The following AZIN2 variants were observed in gnomAD, a reference collection of about 807,000 sequenced individuals.
AZIN2 encodes antizyme inhibitor 2.
In AZIN2, 28 loss-of-function variants were observed where a neutral mutation model predicts 47.8. The ratio of observed to expected loss-of-function variants is 0.59; its 90% CI spans 0.43 to 0.80. The LOEUF (loss-of-function observed/expected upper bound fraction) is 0.80. Ranked by LOEUF, AZIN2 falls within the 30% of genes least tolerant of loss-of-function variation. The probability of loss-of-function intolerance (pLI) is 0.00; values close to 1 mark genes in which losing one functional copy is unlikely to be tolerated. For synonymous variants in AZIN2, 221 were observed against 239.4 expected, an observed-to-expected ratio of 0.92 and a Z score of 0.71; for missense variants, 535 against 582.5, an observed-to-expected ratio of 0.92 and a Z score of 0.84.
the AZIN2 span, among the ~76,000 whole-genome samples, chr1:33,137,963 G>T: frequency 1.3e-5 from 2 of 152,212 alleles, no homozygotes; most frequent in Non-Finnish European, 2.9e-5. Context: ...GGTCCAGGGA[G>T]GTGGCAGGGG....
chr1:33,157,721 T>C, the AZIN2 span, among the ~76,000 whole-genome samples: 8 of 152,066 alleles, frequency 5.3e-5, no homozygotes, highest in Non-Finnish European at 1.0e-4. Context: ...ATCTGGAGAA[T>C]GGGTTTGCTA....
chr1:33,087,835 G>A (rs1042394500), intron 5 of AZIN2, among the ~76,000 whole-genome samples: 1 of 151,824 alleles, frequency 6.6e-6, no homozygotes, highest in Non-Finnish European at 1.5e-5. Context: ...ACACTGCTTC[G>A]ACCCCACCTC....
At chr1:33,109,932 A>G (rs1364171151) in intron 10 of AZIN2, among the ~76,000 whole-genome samples, 1 of 152,122 alleles carries the variant, frequency 6.6e-6, no homozygotes, top group Non-Finnish European at 1.5e-5. Context: ...TTTGTTTTGG[A>G]GTGTATGCTG....
chr1:33,097,208 C>T (rs1363937920), intron 9 of AZIN2, among the ~76,000 whole-genome samples: 1 of 152,038 alleles, frequency 6.6e-6, no homozygotes, highest in Non-Finnish European at 1.5e-5. Context: ...TGCATTTGAC[C>T]CCATGTCTGT....
At chr1:33,124,227 T>C (rs113770349), downstream of AZIN2, among the ~76,000 whole-genome samples, 990 of 152,132 alleles carry the variant, frequency 6.5e-3, 16 homozygotes, top group African/African-American at 0.023. This position sits in a 1 kb window ranked among gnomAD's most constrained non-coding sequence, Gnocchi z 4.6. Flanking sequence ...GTCCAGGACT[T>C]AGCACTCCTC....
intron 10 of AZIN2, chr1:33,101,921 A>G: frequency 1.3e-6 from 1 of 776,204 alleles, no homozygotes; most frequent in East Asian, 2.4e-5. Context: ...GCTGCAGTTT[A>G]TTTGTCCATT....
chr1:33,082,925 G>T (rs1641452979), intron 4 of AZIN2: 1 of 152,686 alleles, frequency 6.5e-6, no homozygotes, highest in Admixed American at 6.5e-5. Context: ...GATGCTGTGT[G>T]CCCAATGATG....
intron 10 of AZIN2, among the ~76,000 whole-genome samples, chr1:33,116,194 A>G (rs1213480669): frequency 1.3e-5 from 2 of 152,246 alleles, no homozygotes; most frequent in Non-Finnish European, 2.9e-5. Flanking sequence ...GTAGGTGCTC[A>G]ATAAGTACTT....
At chr1:33,150,007 G>C in the AZIN2 span, among the ~76,000 whole-genome samples, 2,277 of 152,260 alleles carry the variant, frequency 0.015, 37 homozygotes, top group African/African-American at 0.047. Flanking sequence ...GCTCTGGGCT[G>C]GCCACACCGG....
intron 10 of AZIN2, among the ~76,000 whole-genome samples, chr1:33,108,176 C>A (rs1254513886): frequency 2.0e-5 from 3 of 152,096 alleles, no homozygotes; most frequent in African/African-American, 4.8e-5. Context: ...TAAATCCATG[C>A]ATTTACGGTC....
In AZIN2 at chr1:33,104,134, C is replaced by T. The variant is rs140577944; in HGVS notation, c.1029+5955C>T. Among the ~76,000 whole-genome samples, 478 of 152,262 alleles carry T rather than the reference C, an allele frequency of 3.1e-3. 14 individuals are homozygous for T. The East Asian group carries it at 0.08, about 25-fold the overall frequency. On this transcript the variant is annotated intron_variant, in intron 10 of 11. Transcript: ENST00000294517. ...CTGACCTCAAGTGATCTGCCCGCCTCGGCCTCCCAAAGTGCTTTGATTACA... is the reference window on the plus strand; with the variant it reads ...CTGACCTCAAGTGATCTGCCCGCCTTGGCCTCCCAAAGTGCTTTGATTACA...
the AZIN2 span, among the ~76,000 whole-genome samples, chr1:33,143,758 A>G: frequency 8.2e-3 from 1,251 of 152,346 alleles, 19 homozygotes; most frequent in Non-Finnish European, 0.01. Context: ...AGCCAACACC[A>G]GTCCTGGGCT....
chr1:33,142,043 G>C, the AZIN2 span: 15 of 152,288 alleles, frequency 9.8e-5, no homozygotes, highest in African/African-American at 3.4e-4. Context: ...TGGTGTCCCA[G>C]AGTAAGGGGA....
the AZIN2 span, among the ~76,000 whole-genome samples, chr1:33,139,765 G>C: frequency 6.6e-6 from 1 of 152,200 alleles, no homozygotes; most frequent in African/African-American, 2.4e-5. Flanking sequence ...GGGGAGGGCT[G>C]AGTGCTGAGG....
In AZIN2 at chr1:33,121,212, T is replaced by C. The variant is rs1248336624; in HGVS notation, c.*1030T>C. Among the ~76,000 whole-genome samples the C allele has an allele frequency of 6.6e-6, 1 of 152,222 alleles. No individual in the cohort carries two copies. Among genetic ancestry groups the C allele is most frequent in the Non-Finnish European group, 1.5e-5 (1 of 68,034 alleles). On this transcript the variant is annotated 3_prime_UTR_variant, in exon 12 of 12. Transcript: ENST00000294517. Reference sequence around the variant, plus strand: ...GGCTGCAGGGGACTCTAAATATTTTTCTGCTGCAATTAAAAGATTTGAGAT... The same window carrying C: ...GGCTGCAGGGGACTCTAAATATTTTCCTGCTGCAATTAAAAGATTTGAGAT...
chr1:33,082,277 T>A lies in AZIN2; in HGVS notation c.28T>A (p.Phe10Ile). MAGYLSESD[F>I]VMVEEGFSTR... ...GGCTGGCTACCTGAGTGAATCGGAC[T>A]TTGTGATGGTGGAGGAGGGCTTCAG... The change falls in exon 4 of 12, where the codon TTT becomes ATT. Residue 10 changes from phenylalanine (F) to isoleucine (I), a missense_variant. By Grantham distance (21) the Phe-to-Ile change is conservative. Transcript: ENST00000294517. 6.2e-7 allele frequency: 1 copy of A among 1,614,046 alleles called. No individual in the cohort carries two copies. Among genetic ancestry groups the A allele is most frequent in the Non-Finnish European group, 8.5e-7 (1 of 1,180,000 alleles).
rs755881014 is a variant in AZIN2 at position 33,093,293 on chromosome 1, G to A, written c.464G>A (p.Cys155Tyr). ...KSHPSAKMVL[C>Y]IATDDSHSLS... ...GCGTGTCTCATCAGGATGGTTCTGT[G>A]CATTGCTACCGATGACTCCCACTCC... The change falls in exon 7 of 12, where the codon TGC (cysteine) becomes TAC (tyrosine). Residue 155 changes from cysteine to tyrosine, a missense_variant. By Grantham distance (194) the Cys-to-Tyr change is radical. This residue lies in a region of AZIN2 where 409 missense variants were observed against 429.0 expected (regional missense o/e 0.95). Transcript: ENST00000294517. 1.1e-5 allele frequency: 18 copies of A among 1,613,942 alleles called. No homozygotes were observed. In the South Asian group the frequency reaches 1.8e-4, roughly 16 times the overall value.
At chr1:33,141,134 G>A in the AZIN2 span, among the ~76,000 whole-genome samples, 1 of 151,952 alleles carries the variant, frequency 6.6e-6, no homozygotes, top group Non-Finnish European at 1.5e-5. Context: ...CACACCCCAG[G>A]GAGGACTTCC....
At chr1:33,136,803 C>T in the AZIN2 span, among the ~76,000 whole-genome samples, 2 of 151,514 alleles carry the variant, frequency 1.3e-5, no homozygotes, top group Admixed American at 6.6e-5. Context: ...CCGAGACCAG[C>T]CTGGCCAATA....
Sources: gnomAD v4.1 joint callset for allele counts (sites outside exome capture counted in the v4.1 genomes callset) on GRCh38, gnomAD v4.1.1 for gene constraint, gnomAD v4.1.1 regional missense constraint, Gnocchi (gnomAD v3.1) non-coding constraint, MANE v1.5 for transcripts, NCBI Gene and HGNC (gene_info 2026-07-23, HGNC 2026-07-21) for gene names.